The following ZNF732 variants were observed in gnomAD, a reference collection of about 807,000 sequenced individuals.
The protein encoded by ZNF732 is zinc finger protein LOC654254.
Under a neutral mutation model 11.5 loss-of-function variants are expected in ZNF732, and 12 were observed. That is an observed-to-expected ratio of 1.05 (90% CI 0.67 to 1.70). The LOEUF (loss-of-function observed/expected upper bound fraction) is 1.70, where lower values mean the gene tolerates loss of function less well. ZNF732 is among the 40% of genes most tolerant of loss of function. The pLI, the probability that ZNF732 is intolerant of heterozygous loss-of-function variation, is 0.00. For missense variants in ZNF732, 702 were observed against 676.9 expected, an observed-to-expected ratio of 1.04 and a Z score of -0.41; for synonymous variants, 231 against 236.5, an observed-to-expected ratio of 0.98 and a Z score of 0.21.
Position 277,457 on chromosome 4 carries a change from G to C in ZNF732, c.227-4827C>G, listed in dbSNP as rs782746432. Among the ~76,000 whole-genome samples, 50 of 152,038 alleles carry C rather than the reference G, an allele frequency of 3.3e-4. No homozygotes were observed. In the South Asian group the frequency reaches 5.6e-3, roughly 17 times the overall value. ...ACACACAATTTAAACATAGGCAAGA[G>C]GCCTTAAGAGACATTTTTCAAAAGA... is the stretch of plus-strand genomic sequence containing the variant. On this transcript the variant is annotated intron_variant, in intron 3 of 3. Transcript: ENST00000419098.
At chr4:299,238 C>G (rs1312457351) in intron 1 of ZNF732, among the ~76,000 whole-genome samples, 1 of 151,402 alleles carries the variant, frequency 6.6e-6, no homozygotes, top group South Asian at 2.1e-4. Context: ...AAGGAAAAAC[C>G]TGGGGTAAAC....
At chr4:273,762 TAA>T (rs1719437617) in intron 3 of ZNF732, among the ~76,000 whole-genome samples, 2 of 151,208 alleles carry the variant, frequency 1.3e-5, no homozygotes. Context: ...AGCTGCAAAA[TAA>T]AAGTGATGTG....
chr4:304,093 C>T (rs1553843969), intron 1 of ZNF732, among the ~76,000 whole-genome samples: 3 of 152,126 alleles, frequency 2.0e-5, no homozygotes, highest in African/African-American at 4.8e-5. Context: ...CAGGAGTCTT[C>T]CTGGCACTGT....
intron 1 of ZNF732, 105 bp downstream of exon 1, chr4:305,203 G>T: frequency 7.0e-7 from 1 of 1,433,082 alleles, no homozygotes; most frequent in Non-Finnish European, 9.3e-7. Flanking sequence ...AGGGCTGAGC[G>T]GCGGCAGCGG....
chr4:296,158 G>A lies in ZNF732; in HGVS notation c.4-3C>T, dbSNP rs782409822. On this transcript the variant is annotated splice_polypyrimidine_tract_variant and splice_region_variant and intron_variant, in intron 1 of 3. Coordinates refer to ENST00000419098, the MANE Select transcript of ZNF732 (RefSeq NM_001137608.3). ...ACATCCCTGAATGTTAAGAGTTCCT[G>A]AAAATATATATGTATCAAGTGACAG... 6.2e-7 allele frequency: 1 copy of A among 1,610,526 alleles called. No individual in the cohort carries two copies. Among genetic ancestry groups the A allele is most frequent in the Non-Finnish European group, 8.5e-7 (1 of 1,179,236 alleles).
At chr4:275,388 T>C (rs1195692094) in intron 3 of ZNF732, among the ~76,000 whole-genome samples, 1 of 151,452 alleles carries the variant, frequency 6.6e-6, no homozygotes, top group Non-Finnish European at 1.5e-5. Flanking sequence ...ATTATTGTAG[T>C]AATAGAAACA....
chr4:303,336 G>A (rs1720156160), intron 1 of ZNF732, among the ~76,000 whole-genome samples: 1 of 152,136 alleles, frequency 6.6e-6, no homozygotes, highest in Non-Finnish European at 1.5e-5. Context: ...CTAAATAAAC[G>A]GACTCTTAAT....
intron 1 of ZNF732, among the ~76,000 whole-genome samples, chr4:300,533 A>C (rs1474238200): frequency 6.6e-6 from 1 of 152,118 alleles, no homozygotes; most frequent in Non-Finnish European, 1.5e-5. Context: ...ACAAAAGACA[A>C]ATAGTTCAAA....
rs71166804 is a variant in ZNF732 at position 279,445 on chromosome 4, CA to C, written c.227-6816del. On this transcript the variant is annotated intron_variant, in intron 3 of 3. Coordinates refer to ENST00000419098, the MANE Select transcript of ZNF732 (RefSeq NM_001137608.3). ...TGGGTGACAGAGCGAGACTCCGTCT[CA>C]AAAAAAAAAAACAACAACCAGACAT... 3.7e-4 allele frequency among the ~76,000 whole-genome samples: 49 copies of C among 131,038 alleles called. No individual in the cohort carries two copies. In the South Asian group the frequency reaches 8.5e-3, roughly 23 times the overall value. 86.0% of individuals were successfully genotyped at this position (131,038 alleles called of 152,430 possible). A position where few individuals can be genotyped will look rare whatever the true frequency, so the allele number is the denominator to read the frequency against.
chr4:305,202 C>T (rs1404806286), intron 1 of ZNF732, 106 bp downstream of exon 1: 6 of 1,425,886 alleles, frequency 4.2e-6, no homozygotes, highest in Middle Eastern at 2.4e-4. Context: ...GAGGGCTGAG[C>T]GGCGGCAGCG....
intron 3 of ZNF732, among the ~76,000 whole-genome samples, chr4:294,465 C>CTACT (rs1719905375): frequency 6.6e-6 from 1 of 152,072 alleles, no homozygotes; most frequent in Non-Finnish European, 1.5e-5. Flanking sequence ...CTCAGGCTTC[C>CTACT]TACTAAATAA....
chr4:289,728 T>C (rs1719802342), intron 3 of ZNF732, among the ~76,000 whole-genome samples: 1 of 152,028 alleles, frequency 6.6e-6, no homozygotes, highest in Non-Finnish European at 1.5e-5. Flanking sequence ...CTATCAAAAA[T>C]AAAAAGAAAG....
At chr4:274,775 A>T (rs1553838439) in intron 3 of ZNF732, among the ~76,000 whole-genome samples, 1 of 151,742 alleles carries the variant, frequency 6.6e-6, no homozygotes. Flanking sequence ...AATATACTTT[A>T]AAAAGTCATA....
intron 1 of ZNF732, among the ~76,000 whole-genome samples, chr4:299,409 A>ATG (rs1553843140): frequency 8.8e-6 from 1 of 113,358 alleles, no homozygotes; most frequent in African/African-American, 3.4e-5. Flanking sequence ...ATGTGTATAT[A>ATG]TATATACACA....
intron 1 of ZNF732, among the ~76,000 whole-genome samples, chr4:300,051 T>G (rs1720081760): frequency 1.3e-5 from 2 of 151,672 alleles, no homozygotes; most frequent in African/African-American, 4.8e-5. Flanking sequence ...AGGGAACTGA[T>G]AGAAAGTTGT....
chr4:299,499 A>ATC (rs1720059600), intron 1 of ZNF732, among the ~76,000 whole-genome samples: 1 of 116,300 alleles, frequency 8.6e-6, no homozygotes, highest in Non-Finnish European at 1.7e-5. Flanking sequence ...ATGTGTGTAT[A>ATC]TATACACACA....
intron 3 of ZNF732, among the ~76,000 whole-genome samples, chr4:283,112 T>C (rs1022622155): frequency 3.3e-5 from 5 of 152,144 alleles, no homozygotes; most frequent in African/African-American, 9.7e-5. Context: ...AGGATCAGTA[T>C]CATTATTCCA....
chr4:304,385 C>A (rs369206578), intron 1 of ZNF732, among the ~76,000 whole-genome samples: 46 of 152,186 alleles, frequency 3.0e-4, no homozygotes, highest in African/African-American at 1.0e-3. Flanking sequence ...CCGCGCCTCC[C>A]GCAGACACCA....
Position 305,452 on chromosome 4 carries a change from G to T in ZNF732, c.-142C>A, listed in dbSNP as rs782757428. The T allele has an allele frequency of 1.6e-6, 2 of 1,229,722 alleles. No individual in the cohort carries two copies. The highest frequency in any genetic ancestry group is 2.3e-6 in the Non-Finnish European group (2 of 887,350). 76.2% of individuals were successfully genotyped at this position (1,229,722 alleles called of 1,614,324 possible). On this transcript the variant is annotated 5_prime_UTR_variant, in exon 1 of 4. Transcript: ENST00000419098. ...AAGCACGGCCGTGGAGACCCTAACCGAGCTCACGCTGGCGCAAAAGGCAAA... is the reference window on the plus strand; with the variant it reads ...AAGCACGGCCGTGGAGACCCTAACCTAGCTCACGCTGGCGCAAAAGGCAAA...
Sources: gnomAD v4.1 joint callset for allele counts (sites outside exome capture counted in the v4.1 genomes callset) on GRCh38, gnomAD v4.1.1 for gene constraint, MANE v1.5 for transcripts, NCBI Gene and HGNC (gene_info 2026-07-23, HGNC 2026-07-21) for gene names.